Variants in REXO1 observed in about 807,000 individuals in gnomAD.
REXO1 encodes the protein RNA exonuclease 1 homolog.
Under a neutral mutation model 102.6 loss-of-function variants are expected in REXO1, and 42 were observed. The observed-to-expected ratio is 0.41, with a 90% confidence interval of 0.32 to 0.53. The LOEUF (loss-of-function observed/expected upper bound fraction) is 0.53, where lower values mean the gene tolerates loss of function less well. Among genes scored for constraint, REXO1 ranks in the 20% least tolerant of loss-of-function variants. The pLI is 0.27. For missense variants in REXO1, 1,819 were observed against 1,732.5 expected (o/e 1.05, Z -0.89); for synonymous variants, 908 against 779.1 (o/e 1.17, Z -2.76).
chr19:1,838,596 C>T (rs2011175276), intron 1 of REXO1, among the ~76,000 whole-genome samples: 1 of 147,788 alleles, frequency 6.8e-6, no homozygotes, highest in Non-Finnish European at 1.5e-5. Flanking sequence ...ACTCGGGAGG[C>T]GGACGTTGCG....
Position 1,827,751 on chromosome 19 carries a change from C to T in REXO1, c.1038G>A (p.Val346=). Residue 346 remains valine (V), a synonymous_variant, in exon 2 of 16, where the codon GTG becomes GTA. Transcript: ENST00000170168. Reference sequence around the variant, plus strand: ...TGGCTGGGGGCGGCTGGAGGTCCCCCACGTCGCACTGCACGGCCGTCTCCT... The same window carrying T: ...TGGCTGGGGGCGGCTGGAGGTCCCCTACGTCGCACTGCACGGCCGTCTCCT... ...ETKETAVQCD[V]GDLQPPPAKP... 6.4e-7 allele frequency: 1 copy of T among 1,571,218 alleles called. No individual in the cohort carries two copies. Among genetic ancestry groups the T allele is most frequent in the Non-Finnish European group, 8.6e-7 (1 of 1,168,898 alleles).
chr19:1,818,936 C>A, intron 8 of REXO1, 82 bp downstream of exon 8: 1 of 1,570,056 alleles, frequency 6.4e-7, no homozygotes. Flanking sequence ...CAGGGGCCCA[C>A]GAAGCACCGT....
At position 1,827,961 on chromosome 19, in the gene REXO1, A is replaced by C. The variant is rs772191759; in HGVS notation, c.828T>G (p.Cys276Trp). ...EPYTPAPKKL[C>W]DPFGSCDARF... ...TTGCATCGCAACTGCCAAAGGGGTC[A>C]CAGAGCTTCTTGGGAGCAGGTGTGT... is the stretch of plus-strand genomic sequence containing the variant. Residue 276 changes from cysteine to tryptophan, a missense_variant, in exon 2 of 16, where the codon TGT (cysteine) becomes TGG (tryptophan). Cys to Trp is a radical substitution (Grantham distance 215). Coordinates refer to ENST00000170168, the MANE Select transcript of REXO1 (RefSeq NM_020695.4). The C allele has an allele frequency of 9.3e-6, 15 of 1,613,576 alleles. No homozygotes were observed. The highest frequency in any genetic ancestry group is 1.3e-5 in the African/African-American group (1 of 74,914).
In REXO1 at chr19:1,848,404, A is replaced by C. The variant is rs938053134; in HGVS notation, c.-46T>G. The C allele has an allele frequency of 5.2e-6, 6 of 1,160,196 alleles. No homozygotes were observed. Among genetic ancestry groups the C allele is most frequent in the Non-Finnish European group, 5.3e-6 (5 of 937,190 alleles). The allele number at this position is 1,160,196 out of a possible 1,614,324, so 71.9% of individuals were successfully genotyped here. A position where few individuals can be genotyped will look rare whatever the true frequency, so the allele number is the denominator to read the frequency against. On this transcript the variant is annotated 5_prime_UTR_variant, in exon 1 of 16. Coordinates refer to ENST00000170168, the MANE Select transcript of REXO1 (RefSeq NM_020695.4). ...CCCGGCCCGGAGCCGCCCGGGCCCC[A>C]GGGCCCCCTCACTGGCGCCGCGGTC...
At chr19:1,823,097 T>C (rs2069596375) in intron 4 of REXO1, 1 of 158,014 alleles carries the variant, frequency 6.3e-6, no homozygotes, top group Admixed American at 6.5e-5. Flanking sequence ...CTGGCCCGAC[T>C]TTCTACAAGA....
chr19:1,821,564 G>GAC lies in REXO1; in HGVS notation c.2348_2349insGT (p.Thr784SerfsTer18). On this transcript the variant is annotated frameshift_variant, in exon 5 of 16. Coordinates refer to ENST00000170168, the MANE Select transcript of REXO1 (RefSeq NM_020695.4). LOFTEE classifies it high-confidence loss of function. ...CGATTCGCTTAGGGATGATGGTGGTGGTAGTCTTGGACGCCATCCCCGACA... is the reference window on the plus strand; with the variant it reads ...CGATTCGCTTAGGGATGATGGTGGTGACGTAGTCTTGGACGCCATCCCCGACA... The GAC allele has an allele frequency of 1.2e-6, 2 of 1,613,960 alleles. No individual in the cohort carries two copies. Among genetic ancestry groups the GAC allele is most frequent in the Non-Finnish European group, 1.7e-6 (2 of 1,179,902 alleles).
chr19:1,827,505 C>T lies in REXO1; in HGVS notation c.1284G>A (p.Glu428=). 1.3e-6 allele frequency: 2 copies of T among 1,581,872 alleles called. No individual in the cohort carries two copies. The highest frequency in any genetic ancestry group is 1.2e-5 in the South Asian group (1 of 86,850). Residue 428 remains glutamate, a synonymous_variant, in exon 2 of 16, where the codon GAG becomes GAA. Coordinates refer to ENST00000170168, the MANE Select transcript of REXO1 (RefSeq NM_020695.4). Reference sequence around the variant, plus strand: ...GCTTCTTCTTGGTCCCTTCCGGCCGCTCTGCCTTGCGCCGGGGGCTGCTGG... The same window carrying T: ...GCTTCTTCTTGGTCCCTTCCGGCCGTTCTGCCTTGCGCCGGGGGCTGCTGG... ...PQASSPRRKA[E]RPEGTKKKPS...
chr19:1,823,332 T>C (rs1014730189), intron 4 of REXO1: 1 of 392,934 alleles, frequency 2.5e-6, no homozygotes, highest in Non-Finnish European at 4.5e-6. Flanking sequence ...CAGCAGGCTG[T>C]TGGACTCCTA....
intron 10 of REXO1, 68 bp downstream of exon 10, chr19:1,818,414 G>T: frequency 8.4e-7 from 1 of 1,191,604 alleles, no homozygotes; most frequent in Non-Finnish European, 1.2e-6. Flanking sequence ...AGTTCTGGGG[G>T]CCTCAAGGGA....
chr19:1,820,503 C>CG lies in REXO1; in HGVS notation c.2395-109dup, dbSNP rs2069502434. 2.3e-6 allele frequency: 3 copies of CG among 1,310,988 alleles called. No homozygotes were observed. In the African/African-American group the frequency reaches 4.5e-5, roughly 19 times the overall value. 81.2% of individuals were successfully genotyped at this position (1,310,988 alleles called of 1,614,324 possible). A position where few individuals can be genotyped will look rare whatever the true frequency, so the allele number is the denominator to read the frequency against. ...CATGGCTGGAGGCAAGAGTGAGGTG[C>CG]GCTGGGACAGATCAGCCTGGCTGCA... is the stretch of plus-strand genomic sequence containing the variant. On this transcript the variant is annotated intron_variant, in intron 5 of 15. Coordinates refer to ENST00000170168, the MANE Select transcript of REXO1 (RefSeq NM_020695.4).
In REXO1 at chr19:1,823,535, C is replaced by T. The variant is rs755280648; in HGVS notation, c.2230+37G>A. ...GCCACCTCTCCTGCCCACATGCCCA[C>T]GGCCCCCCGGCACAGGCCCCCTGGG... On this transcript the variant is annotated intron_variant, in intron 4 of 15. Transcript: ENST00000170168. The T allele has an allele frequency of 2.0e-5, 25 of 1,264,690 alleles. No homozygotes were observed. In the African/African-American group the frequency reaches 2.3e-4, roughly 12 times the overall value. 78.3% of individuals were successfully genotyped at this position (1,264,690 alleles called of 1,614,324 possible).
intron 1 of REXO1, among the ~76,000 whole-genome samples, chr19:1,843,875 G>A (rs985997294): frequency 6.6e-6 from 1 of 152,236 alleles, no homozygotes; most frequent in Non-Finnish European, 1.5e-5. Flanking sequence ...CAGCCAGCGG[G>A]AGCTCCTGAC....
rs1224538156 is a variant in REXO1 at position 1,827,812 on chromosome 19, C to T, written c.977G>A (p.Gly326Asp). ...KATGQPPSKE[G>D]LEAEGGGLRE... The stretch of plus-strand genomic sequence containing the variant: ...CAGGCCGCCCCCCTCGGCCTCCAGG[C>T]CCTCTTTGGAGGGTGGCTGCCCGGT... Residue 326 changes from glycine (G) to aspartate (D), a missense_variant, in exon 2 of 16, where the codon GGC becomes GAC. Physicochemically the swap from Gly to Asp is moderately conservative, Grantham distance 94. Transcript: ENST00000170168. 4 of 1,607,172 alleles carry T rather than the reference C, an allele frequency of 2.5e-6. No individual in the cohort carries two copies. Among genetic ancestry groups the T allele is most frequent in the Admixed American group, 1.7e-5 (1 of 59,242 alleles).
chr19:1,826,994 A>C lies in REXO1; in HGVS notation c.1795T>G (p.Tyr599Asp), dbSNP rs750447436. The C allele has an allele frequency of 3.9e-6, 6 of 1,535,984 alleles. No individual in the cohort carries two copies. The highest frequency in any genetic ancestry group is 5.3e-6 in the Non-Finnish European group (6 of 1,140,610). ...TCCACCTCCTTCTCCAGGGCCGAGTAGTCCACATCCGCCCCCGCGCTGGAG... is the reference window on the plus strand; with the variant it reads ...TCCACCTCCTTCTCCAGGGCCGAGTCGTCCACATCCGCCCCCGCGCTGGAG... ...STSSAGADVD[Y>D]SALEKEVDFD... is the part of the protein sequence containing the mutation. Residue 599 changes from tyrosine to aspartate, a missense_variant, in exon 2 of 16, where the codon TAC (tyrosine) becomes GAC (aspartate). Physicochemically the swap from Tyr to Asp is radical, Grantham distance 160. Transcript: ENST00000170168. The surrounding 1 kb of genome is among the most constrained non-coding windows in gnomAD (Gnocchi z 4.3).
chr19:1,828,193 A>T lies in REXO1; in HGVS notation c.596T>A (p.Leu199Gln). ...QGRGGGGGGA[L>Q]EYVPKAVSQP... ...GCTCACAGCCTTGGGGACGTATTCC[A>T]GGGCACCGCCACCCCCTCCACCTCT... is the stretch of plus-strand genomic sequence containing the variant. The change falls in exon 2 of 16, where the codon CTG becomes CAG. Residue 199 changes from leucine (L) to glutamine (Q), a missense_variant. Leu to Gln is a moderately radical substitution (Grantham distance 113). Transcript: ENST00000170168. The T allele has an allele frequency of 6.2e-7, 1 of 1,606,210 alleles. No individual in the cohort carries two copies. The highest frequency in any genetic ancestry group is 8.5e-7 in the Non-Finnish European group (1 of 1,177,468).
In REXO1 at chr19:1,821,504, G is replaced by A. The variant is rs1195503527; in HGVS notation, c.2394+15C>T. On this transcript the variant is annotated intron_variant, in intron 5 of 15. Transcript: ENST00000170168. ...TCTTGGGGGTGGTGGTCCTGGCCGA[G>A]ATGGGAGGGGCTACCTGTAAGGATG... 1.2e-6 allele frequency: 2 copies of A among 1,613,296 alleles called. No homozygotes were observed. Among genetic ancestry groups the A allele is most frequent in the African/African-American group, 1.3e-5 (1 of 75,000 alleles).
intron 3 of REXO1, chr19:1,824,623 CAGG>C (rs2069653513): frequency 6.6e-6 from 1 of 152,168 alleles, no homozygotes; most frequent in African/African-American, 2.4e-5. Context: ...GTCAGAGCAA[CAGG>C]AGTTCTGCTA....
rs1016063039 is a variant in REXO1 at position 1,828,230 on chromosome 19, T to C, written c.559A>G (p.Arg187Gly). ...GSKYSLASLD[R>G]GQGRGGGGGG... is the part of the protein sequence containing the mutation. ...CCCCCTCCACCTCTGCCCTGACCCCTGTCCAGGGACGCCAGCGAGTACTTG... is the reference window on the plus strand; with the variant it reads ...CCCCCTCCACCTCTGCCCTGACCCCCGTCCAGGGACGCCAGCGAGTACTTG... Residue 187 changes from arginine (R) to glycine (G), a missense_variant, in exon 2 of 16, where the codon AGG becomes GGG. Transcript: ENST00000170168. 3.1e-6 allele frequency: 5 copies of C among 1,606,602 alleles called. No homozygotes were observed. The highest frequency in any genetic ancestry group is 4.2e-6 in the Non-Finnish European group (5 of 1,176,782).
At chr19:1,830,255 T>A (rs982686908) in intron 1 of REXO1, among the ~76,000 whole-genome samples, 1 of 152,196 alleles carries the variant, frequency 6.6e-6, no homozygotes, top group Non-Finnish European at 1.5e-5. Flanking sequence ...ACGCCGATCA[T>A]CTCAGCACTT....
Sources: allele counts gnomAD v4.1 joint callset (sites outside exome capture counted in the v4.1 genomes callset), GRCh38; gene constraint gnomAD v4.1.1; non-coding constraint Gnocchi (gnomAD v3.1); transcripts MANE v1.5; gene names NCBI Gene and HGNC (gene_info 2026-07-23, HGNC 2026-07-21).